The following AGMO variants were observed in gnomAD, a reference collection of about 807,000 sequenced individuals.
AGMO encodes the protein glyceryl-ether monooxygenase.
AGMO carries 75 observed loss-of-function variants against 60.2 expected under a neutral mutation model. That is an observed-to-expected ratio of 1.25 (90% CI 1.03 to 1.51). The LOEUF (loss-of-function observed/expected upper bound fraction) is 1.51. Ranked by LOEUF, AGMO falls within the 40% of genes most tolerant of loss-of-function variation. The probability of loss-of-function intolerance (pLI) is 0.00; values close to 1 mark genes in which losing one functional copy is unlikely to be tolerated. For missense variants in AGMO, 763 were observed against 525.5 expected, an observed-to-expected ratio of 1.45 and a Z score of -4.42; for synonymous variants, 261 against 177.1, an observed-to-expected ratio of 1.47 and a Z score of -3.76.
chr7:15,410,457 AT>A lies in AGMO; in HGVS notation c.609+8100del, dbSNP rs540369890. Among the ~76,000 whole-genome samples, 622 of 151,876 alleles carry A rather than the reference AT, an allele frequency of 4.1e-3. 3 individuals carry two copies. The highest frequency in any genetic ancestry group is 0.014 in the African/African-American group (581 of 41,508). ...TCAAATTTTTATAGTTAAGAATGCA[AT>A]TTTTTTCCCTAAAGTAAGTTGGGGA... On this transcript the variant is annotated intron_variant, in intron 5 of 12. Coordinates refer to ENST00000342526, the MANE Select transcript of AGMO (RefSeq NM_001004320.2).
chr7:15,553,672 A>C (rs1262604711), intron 2 of AGMO, among the ~76,000 whole-genome samples: 2 of 152,194 alleles, frequency 1.3e-5, no homozygotes, highest in Non-Finnish European at 2.9e-5. Context: ...GATCTCAATA[A>C]CAGACTGAAG....
intron 5 of AGMO, among the ~76,000 whole-genome samples, chr7:15,401,106 G>A (rs567904980): frequency 5.3e-5 from 8 of 152,054 alleles, no homozygotes; most frequent in African/African-American, 1.9e-4. Flanking sequence ...TTTTTTTCAT[G>A]ATACAATTTT....
chr7:15,512,622 T>C (rs896549669), intron 3 of AGMO, among the ~76,000 whole-genome samples: 3 of 152,202 alleles, frequency 2.0e-5, no homozygotes, highest in African/African-American at 7.2e-5. Flanking sequence ...TTTAGTTGAA[T>C]TGACTATTTG....
At chr7:15,530,998 C>CTA (rs1311599660) in intron 3 of AGMO, among the ~76,000 whole-genome samples, 6 of 90,140 alleles carry the variant, frequency 6.7e-5, no homozygotes, top group African/African-American at 2.8e-4. Context: ...TATATATATT[C>CTA]TATATATTCT....
At chr7:15,286,626 G>GA (rs776483521) in intron 12 of AGMO, among the ~76,000 whole-genome samples, 1 of 152,072 alleles carries the variant, frequency 6.6e-6, no homozygotes, top group Non-Finnish European at 1.5e-5. Context: ...CTGCTGGTGG[G>GA]AATGTAAATT....
intron 12 of AGMO, among the ~76,000 whole-genome samples, chr7:15,357,824 C>A (rs6957765): frequency 0.19 from 29,101 of 152,142 alleles, 2,887 homozygotes; most frequent in East Asian, 0.26. Flanking sequence ...GCAGAGAAAA[C>A]ACCACAGAAA....
chr7:15,385,462 G>T lies in AGMO; in HGVS notation c.1058C>A (p.Thr353Asn). 1.3e-6 allele frequency: 2 copies of T among 1,589,212 alleles called. No individual in the cohort carries two copies. Among genetic ancestry groups the T allele is most frequent in the Non-Finnish European group, 1.7e-6 (2 of 1,157,958 alleles). The change falls in exon 10 of 13, where the codon ACC becomes AAC. Residue 353 changes from threonine to asparagine, a missense_variant. Transcript: ENST00000342526. ...ATTACTTACAGCTGTATCTGCAAAG[G>T]TCTCTTCATAAAATGCCAACATCAG... Reference protein sequence around the residue: ...FALMLAFYEETFADTAALSQV... With the variant: ...FALMLAFYEENFADTAALSQV...
the AGMO span, among the ~76,000 whole-genome samples, chr7:15,192,173 C>T: frequency 7.2e-5 from 11 of 152,050 alleles, no homozygotes; most frequent in African/African-American, 1.2e-4. Flanking sequence ...GCCCCACCTT[C>T]GAGCCTGGAA....
At chr7:15,221,207 G>A (rs147079855) in intron 12 of AGMO, among the ~76,000 whole-genome samples, 2 of 152,040 alleles carry the variant, frequency 1.3e-5, no homozygotes, top group African/African-American at 2.4e-5. Context: ...CATGTGTGTC[G>A]GATCAGAGTT....
chr7:15,535,884 G>C (rs76446065), intron 3 of AGMO, among the ~76,000 whole-genome samples: 12,648 of 151,762 alleles, frequency 0.083, 855 homozygotes, highest in African/African-American at 0.18. Flanking sequence ...ACAAGGTAGG[G>C]CAGCAACTTT....
intron 12 of AGMO, among the ~76,000 whole-genome samples, chr7:15,259,167 T>C (rs1207916870): frequency 6.6e-6 from 1 of 151,824 alleles, no homozygotes; most frequent in African/African-American, 2.4e-5. Flanking sequence ...TGATACAGAA[T>C]ATGAAAGAAA....
rs879120102 is a variant in AGMO, at chr7:15,316,097, C to A, written c.1263+49417G>T. Among the ~76,000 whole-genome samples the A allele has an allele frequency of 2.6e-5, 4 of 152,290 alleles. No individual in the cohort carries two copies. In the South Asian group the frequency reaches 8.3e-4, roughly 32 times the overall value. Reference sequence around the variant, plus strand: ...CTACATAAAGGATAGCAAAGATCATCAAAATGGCAGCCACTAGAAATAGAA... The same window carrying A: ...CTACATAAAGGATAGCAAAGATCATAAAAATGGCAGCCACTAGAAATAGAA... On this transcript the variant is annotated intron_variant, in intron 12 of 12. Coordinates refer to ENST00000342526, the MANE Select transcript of AGMO (RefSeq NM_001004320.2).
At chr7:15,247,840 T>C (rs1194204969) in intron 12 of AGMO, among the ~76,000 whole-genome samples, 1 of 151,146 alleles carries the variant, frequency 6.6e-6, no homozygotes, top group African/African-American at 2.4e-5. Context: ...CAAAATTGAG[T>C]TTGTGGTAGA....
intron 4 of AGMO, among the ~76,000 whole-genome samples, chr7:15,423,763 C>T (rs1355528372): frequency 7.4e-6 from 1 of 135,174 alleles, no homozygotes; most frequent in Admixed American, 7.3e-5. Flanking sequence ...CATCTTCAAG[C>T]AAAGGAACAC....
intron 2 of AGMO, among the ~76,000 whole-genome samples, chr7:15,550,249 T>TA: frequency 6.6e-6 from 1 of 150,640 alleles, no homozygotes; most frequent in South Asian, 2.1e-4. Context: ...ACATCACAAT[T>TA]AAAAGAACTA....
At chr7:15,304,183 T>G (rs1780542669) in intron 12 of AGMO, among the ~76,000 whole-genome samples, 1 of 152,128 alleles carries the variant, frequency 6.6e-6, no homozygotes, top group Admixed American at 6.6e-5. Flanking sequence ...ATTCCCCCAT[T>G]ACAATACAAA....
chr7:15,177,697 C>T, the AGMO span, among the ~76,000 whole-genome samples: 9 of 152,068 alleles, frequency 5.9e-5, no homozygotes, highest in Admixed American at 5.9e-4. Context: ...ATTTGATCTT[C>T]CATAATTCTC....
chr7:15,416,066 CTCTG>C (rs1333278269), intron 5 of AGMO, among the ~76,000 whole-genome samples: 1 of 147,614 alleles, frequency 6.8e-6, no homozygotes, highest in Non-Finnish European at 1.5e-5. Context: ...GGGAGTCTCC[CTCTG>C]TCGCCCAGGC....
chr7:15,398,644 C>T (rs1401809816), intron 5 of AGMO, among the ~76,000 whole-genome samples: 1 of 152,166 alleles, frequency 6.6e-6, no homozygotes, highest in Non-Finnish European at 1.5e-5. Context: ...CTTTGAATCA[C>T]TTCCTGAAAA....
Sources: allele counts gnomAD v4.1 joint callset (sites outside exome capture counted in the v4.1 genomes callset), GRCh38; gene constraint gnomAD v4.1.1; transcripts MANE v1.5; gene names NCBI Gene and HGNC (gene_info 2026-07-23, HGNC 2026-07-21).